The following HMGN3 variants were observed in gnomAD, a reference collection of about 807,000 sequenced individuals.
The protein encoded by HMGN3 is high mobility group nucleosomal binding domain 3.
In HMGN3, 6 loss-of-function variants were observed where a neutral mutation model predicts 18.8. The observed-to-expected ratio is 0.32, with a 90% CI of 0.18 to 0.63. HMGN3 has a LOEUF of 0.63. Among genes scored for constraint, HMGN3 ranks in the 30% least tolerant of loss-of-function variants. The probability of loss-of-function intolerance (pLI) is 0.79; values close to 1 mark genes in which losing one functional copy is unlikely to be tolerated. For missense variants in HMGN3, 107 were observed against 114.2 expected, an observed-to-expected ratio of 0.94 and a Z score of 0.29; for synonymous variants, 40 against 36.5, an observed-to-expected ratio of 1.10 and a Z score of -0.35.
rs555324104 is a variant in HMGN3 at position 79,214,209 on chromosome 6, T to C, written c.66+763A>G. The stretch of plus-strand genomic sequence containing the variant: ...ATCCCTCTACAGTTCTTTTTCTTTT[T>C]TTTTTTTTTTTAGAGTCTCTCTCGC... On this transcript the variant is annotated intron_variant, in intron 2 of 5. Transcript: ENST00000344726. Among the ~76,000 whole-genome samples, 11 of 151,402 alleles carry C rather than the reference T, an allele frequency of 7.3e-5. No homozygotes were observed. The South Asian group carries it at 2.3e-3, about 32-fold the overall frequency.
At chr6:79,227,288 T>C (rs1777608985) in intron 1 of HMGN3, among the ~76,000 whole-genome samples, 1 of 152,160 alleles carries the variant, frequency 6.6e-6, no homozygotes, top group South Asian at 2.1e-4. Context: ...AAATCAACCA[T>C]GTAAAAATGC....
At chr6:79,227,358 T>C (rs1027478177) in intron 1 of HMGN3, among the ~76,000 whole-genome samples, 2 of 152,218 alleles carry the variant, frequency 1.3e-5, no homozygotes, top group African/African-American at 2.4e-5. Flanking sequence ...TGATTAAACA[T>C]GTATTTCTAT....
chr6:79,202,928 T>A (rs1776217916), intron 4 of HMGN3, among the ~76,000 whole-genome samples: 1 of 152,192 alleles, frequency 6.6e-6, no homozygotes, highest in Non-Finnish European at 1.5e-5. Context: ...TGAAATCACC[T>A]ACTCATGCCA....
chr6:79,214,949 T>C (rs765980029), intron 2 of HMGN3, 23 bp downstream of exon 2: 8 of 1,266,072 alleles, frequency 6.3e-6, no homozygotes, highest in Non-Finnish European at 5.7e-6. Flanking sequence ...TAATTAAATA[T>C]AGGATGTCAA....
chr6:79,202,413 G>A (rs775893259), intron 4 of HMGN3, 24 bp from the exon 5 acceptor site: 9 of 1,558,780 alleles, frequency 5.8e-6, no homozygotes, highest in Non-Finnish European at 8.0e-6. Flanking sequence ...AAAGCACAGT[G>A]AAAGAGAATG....
At chr6:79,201,833 T>C in intron 5 of HMGN3, 107 bp from the exon 7 acceptor site, 1 of 1,495,488 alleles carries the variant, frequency 6.7e-7, no homozygotes, top group Non-Finnish European at 8.8e-7. Flanking sequence ...TGTTTTCTTT[T>C]TTTTTTCCAG....
intron 1 of HMGN3, among the ~76,000 whole-genome samples, chr6:79,228,009 G>A (rs1057053208): frequency 1.3e-5 from 2 of 152,092 alleles, no homozygotes; most frequent in African/African-American, 4.8e-5. Context: ...TAGAAACATG[G>A]CGCCAGACAA....
At chr6:79,206,967 G>T (rs1279904836) in intron 3 of HMGN3, among the ~76,000 whole-genome samples, 1 of 152,186 alleles carries the variant, frequency 6.6e-6, no homozygotes, top group African/African-American at 2.4e-5. Context: ...TTTCGGACTT[G>T]CATGAGGCCT....
chr6:79,217,936 C>T (rs1165910005), intron 1 of HMGN3, among the ~76,000 whole-genome samples: 1 of 152,208 alleles, frequency 6.6e-6, no homozygotes, highest in Non-Finnish European at 1.5e-5. Context: ...GATGCAGGGA[C>T]TGCCAAGGCA....
At chr6:79,223,903 C>T (rs959841246) in intron 1 of HMGN3, among the ~76,000 whole-genome samples, 2 of 152,110 alleles carry the variant, frequency 1.3e-5, no homozygotes, top group Non-Finnish European at 2.9e-5. Flanking sequence ...ATCTCACTCA[C>T]CTGACTAACT....
At position 79,214,956 on chromosome 6, in the gene HMGN3, T is replaced by C. The variant is rs1776899096; in HGVS notation, c.66+16A>G. On this transcript the variant is annotated intron_variant, in intron 2 of 5. Transcript: ENST00000344726. ...AATGTAAATAATTAAATATAGGATG[T>C]CAAAGATATACTTACCTCCTGTTTA... 2.2e-6 allele frequency: 3 copies of C among 1,356,334 alleles called. No homozygotes were observed. Among genetic ancestry groups the C allele is most frequent in the Non-Finnish European group, 3.1e-6 (3 of 962,944 alleles). The allele number at this position is 1,356,334 out of a possible 1,614,324, so 84.0% of individuals were successfully genotyped here. A position where few individuals can be genotyped will look rare whatever the true frequency, so the allele number is the denominator to read the frequency against.
At chr6:79,219,623 C>T (rs1476136239) in intron 1 of HMGN3, among the ~76,000 whole-genome samples, 1 of 152,014 alleles carries the variant, frequency 6.6e-6, no homozygotes, top group South Asian at 2.1e-4. Flanking sequence ...TACAGAAATA[C>T]AACATATAAT....
At chr6:79,220,921 A>G (rs905261507) in intron 1 of HMGN3, among the ~76,000 whole-genome samples, 1 of 152,120 alleles carries the variant, frequency 6.6e-6, no homozygotes, top group Non-Finnish European at 1.5e-5. Context: ...AGGAAACTGA[A>G]CTTTAATAAT....
At chr6:79,218,703 G>A (rs1250851769) in intron 1 of HMGN3, among the ~76,000 whole-genome samples, 1 of 152,142 alleles carries the variant, frequency 6.6e-6, no homozygotes, top group Non-Finnish European at 1.5e-5. Context: ...GAAAGACAAA[G>A]TCATTGGTAA....
chr6:79,216,170 T>C (rs897674124), intron 1 of HMGN3, among the ~76,000 whole-genome samples: 12 of 152,304 alleles, frequency 7.9e-5, no homozygotes, highest in African/African-American at 2.9e-4. Context: ...ACCTAGTAAT[T>C]TTAATTTTGG....
At position 79,203,744 on chromosome 6, in the gene HMGN3, C is replaced by G. The variant is rs576186477; in HGVS notation, c.97-114G>C. On this transcript the variant is annotated intron_variant, in intron 3 of 5. Coordinates refer to ENST00000344726, the Ensembl canonical transcript of HMGN3. Reference sequence around the variant, plus strand: ...CTATCCATTTTGACATGGCTTTGGTCATTAAAAAGTATTTCATCCTATTTT... The same window carrying G: ...CTATCCATTTTGACATGGCTTTGGTGATTAAAAAGTATTTCATCCTATTTT... 1,269 of 791,586 alleles carry G rather than the reference C, an allele frequency of 1.6e-3. 4 individuals are homozygous for G. Among genetic ancestry groups the G allele is most frequent in the Non-Finnish European group, 2.2e-3 (1,066 of 476,094 alleles). 49.0% of individuals were successfully genotyped at this position (791,586 alleles called of 1,614,324 possible).
At chr6:79,219,693 A>G (rs1777172314) in intron 1 of HMGN3, among the ~76,000 whole-genome samples, 1 of 152,108 alleles carries the variant, frequency 6.6e-6, no homozygotes, top group Admixed American at 6.5e-5. Flanking sequence ...TAATTTTAAT[A>G]TTTTATTTAA....
At chr6:79,232,151 T>C (rs1213975607) in intron 1 of HMGN3, among the ~76,000 whole-genome samples, 1 of 152,208 alleles carries the variant, frequency 6.6e-6, no homozygotes, top group Non-Finnish European at 1.5e-5. Flanking sequence ...AAAAATATTG[T>C]GTAGTATGTA....
At chr6:79,202,038 C>T (rs995304550) in intron 5 of HMGN3, 25 bp downstream of exon 6, 5 of 1,530,192 alleles carry the variant, frequency 3.3e-6, no homozygotes, top group Non-Finnish European at 4.4e-6. Flanking sequence ...TGCAAACATG[C>T]AGAATTTTCT....
Sources: gnomAD v4.1 joint callset for allele counts (sites outside exome capture counted in the v4.1 genomes callset) on GRCh38, gnomAD v4.1.1 for gene constraint, MANE v1.5 for transcripts, NCBI Gene and HGNC (gene_info 2026-07-23, HGNC 2026-07-21) for gene names.